Variants in GALNT18 observed in about 807,000 individuals in gnomAD.
GALNT18 encodes GalNAc-transferase 18.
Under a neutral mutation model 69.5 loss-of-function variants are expected in GALNT18, and 44 were observed. The ratio of observed to expected loss-of-function variants is 0.63; its 90% confidence interval spans 0.50 to 0.81. The LOEUF is 0.81. GALNT18 is among the 40% of genes least tolerant of loss of function. GALNT18 has a pLI of 0.00. For missense variants in GALNT18, 715 were observed against 810.0 expected (o/e 0.88, Z 1.42); for synonymous variants, 364 against 318.2 (o/e 1.14, Z -1.53).
At chr11:11,399,372 A>C (rs16909603) in intron 3 of GALNT18, among the ~76,000 whole-genome samples, 1 of 152,082 alleles carries the variant, frequency 6.6e-6, no homozygotes, top group Non-Finnish European at 1.5e-5. Context: ...CATCTTTAAG[A>C]GGTTCACCTT....
At chr11:11,560,955 C>T (rs1858490654) in intron 1 of GALNT18, among the ~76,000 whole-genome samples, 1 of 152,174 alleles carries the variant, frequency 6.6e-6, no homozygotes, top group Admixed American at 6.5e-5. Context: ...CCTGCAGAGG[C>T]CCCTTGGTTC....
At position 11,583,895 on chromosome 11, in the gene GALNT18, G is replaced by A. The variant is rs537046664; in HGVS notation, c.235+37464C>T. On this transcript the variant is annotated intron_variant, in intron 1 of 10. Transcript: ENST00000227756. This position sits in a 1 kb window ranked among gnomAD's most constrained non-coding sequence, Gnocchi z 4.7. The stretch of plus-strand genomic sequence containing the variant: ...GCAGATGATCTCAATATCATTATAA[G>A]GCCCAAATAAATGAATTATGGTCTT... Among the ~76,000 whole-genome samples, 1 of 152,046 alleles carries A rather than the reference G, an allele frequency of 6.6e-6. No homozygotes were observed. Among genetic ancestry groups the A allele is most frequent in the Non-Finnish European group, 1.5e-5 (1 of 68,012 alleles).
intron 10 of GALNT18, among the ~76,000 whole-genome samples, chr11:11,291,231 A>AAC (rs944093791): frequency 1.4e-4 from 22 of 152,170 alleles, no homozygotes; most frequent in Non-Finnish European, 5.9e-5. Flanking sequence ...TGGGAGGATG[A>AAC]ACACCCTGTG....
chr11:11,566,841 G>A (rs191117372), intron 1 of GALNT18, among the ~76,000 whole-genome samples: 2 of 152,342 alleles, frequency 1.3e-5, no homozygotes, highest in Admixed American at 6.5e-5. Flanking sequence ...CCCCTCTGAA[G>A]TGACCTAGCA....
chr11:11,432,568 T>C lies in GALNT18; in HGVS notation c.595+53A>G. On this transcript the variant is annotated intron_variant, in intron 3 of 10. Coordinates refer to ENST00000227756, the MANE Select transcript of GALNT18 (RefSeq NM_198516.3). The surrounding 1 kb of genome is among the most constrained non-coding windows in gnomAD (Gnocchi z 5.8). ...TGAACCACGACGCTGAACCATCAGC[T>C]TAGATGTCAGCCAGGAAGTAGGGCC... 6.5e-7 allele frequency: 1 copy of C among 1,543,136 alleles called. No homozygotes were observed. Among genetic ancestry groups the C allele is most frequent in the Non-Finnish European group, 8.8e-7 (1 of 1,134,904 alleles).
intron 1 of GALNT18, among the ~76,000 whole-genome samples, chr11:11,566,026 T>C (rs1858642388): frequency 6.6e-6 from 1 of 152,160 alleles, no homozygotes; most frequent in Non-Finnish European, 1.5e-5. Flanking sequence ...GAGATATGGA[T>C]GGAGCATGCA....
rs1849730555 is a variant in GALNT18, at chr11:11,315,084, A to C, written c.1512+12002T>G. 6.6e-6 allele frequency among the ~76,000 whole-genome samples: 1 copy of C among 152,128 alleles called. No homozygotes were observed. Among genetic ancestry groups the C allele is most frequent in the African/African-American group, 2.4e-5 (1 of 41,410 alleles). ...TGTGTATGTGTGTATATATGTGTAC[A>C]TACAGAAGTAAATGCATAAACAGAT... On this transcript the variant is annotated intron_variant, in intron 9 of 10. Coordinates refer to ENST00000227756, the MANE Select transcript of GALNT18 (RefSeq NM_198516.3). This position sits in a 1 kb window ranked among gnomAD's most constrained non-coding sequence, Gnocchi z 5.6.
rs1402311656 is a variant in GALNT18, at chr11:11,454,176, C to CA, written c.236-5241dup. Among the ~76,000 whole-genome samples, 2 of 152,180 alleles carry CA rather than the reference C, an allele frequency of 1.3e-5. No homozygotes were observed. Among genetic ancestry groups the CA allele is most frequent in the Non-Finnish European group, 2.9e-5 (2 of 68,028 alleles). ...AGTCCTGTGCCAGCAGGTAGGAGCA[C>CA]AAAGCCAGTGAAGGCATGGCCGGGG... On this transcript the variant is annotated intron_variant, in intron 1 of 10. Coordinates refer to ENST00000227756, the MANE Select transcript of GALNT18 (RefSeq NM_198516.3). This position sits in a 1 kb window ranked among gnomAD's most constrained non-coding sequence, Gnocchi z 4.2.
chr11:11,507,097 T>C (rs1480305662), intron 1 of GALNT18, among the ~76,000 whole-genome samples: 1 of 152,220 alleles, frequency 6.6e-6, no homozygotes, highest in East Asian at 1.9e-4. Flanking sequence ...TGTGAGTTGG[T>C]TGGCTTCCTT....
At chr11:11,399,939 T>C (rs978265020) in intron 3 of GALNT18, among the ~76,000 whole-genome samples, 1 of 152,258 alleles carries the variant, frequency 6.6e-6, no homozygotes, top group Admixed American at 6.5e-5. Context: ...GTGGTGGTTA[T>C]ATACACAGGT....
At chr11:11,336,150 G>C (rs1365510207) in intron 7 of GALNT18, among the ~76,000 whole-genome samples, 2 of 152,200 alleles carry the variant, frequency 1.3e-5, no homozygotes, top group Admixed American at 6.5e-5. Flanking sequence ...AAGAGAAGCA[G>C]TCTAGAGCTC....
At chr11:11,284,811 T>TA (rs1489293982) in intron 10 of GALNT18, among the ~76,000 whole-genome samples, 5 of 129,196 alleles carry the variant, frequency 3.9e-5, no homozygotes, top group Non-Finnish European at 8.2e-5. Context: ...TACAGCTAGT[T>TA]AAAGAAACCC....
intron 1 of GALNT18, among the ~76,000 whole-genome samples, chr11:11,474,154 G>C (rs1231416626): frequency 6.6e-6 from 1 of 152,214 alleles, no homozygotes; most frequent in East Asian, 1.9e-4. Flanking sequence ...ATCACAGATT[G>C]TGAAATAGTA....
At chr11:11,288,498 A>G (rs1324315223) in intron 10 of GALNT18, among the ~76,000 whole-genome samples, 3 of 152,160 alleles carry the variant, frequency 2.0e-5, no homozygotes, top group East Asian at 3.9e-4. Context: ...TGTTCTCATC[A>G]TTCGGTTCCA....
chr11:11,512,190 G>T (rs1259071913), intron 1 of GALNT18, among the ~76,000 whole-genome samples: 1 of 152,108 alleles, frequency 6.6e-6, no homozygotes, highest in African/African-American at 2.4e-5. Flanking sequence ...ATGGGTTCAG[G>T]GCTGAGCCGT....
chr11:11,443,554 C>T (rs781596012), intron 2 of GALNT18, among the ~76,000 whole-genome samples: 4 of 151,978 alleles, frequency 2.6e-5, no homozygotes, highest in African/African-American at 7.3e-5. Context: ...GGGTGGACAC[C>T]GAGAGGCAGG....
intron 3 of GALNT18, among the ~76,000 whole-genome samples, chr11:11,398,137 G>A (rs182306751): frequency 6.6e-6 from 1 of 152,218 alleles, no homozygotes; most frequent in Non-Finnish European, 1.5e-5. Context: ...AGAAAACTGG[G>A]ATGTTAAGCA....
intron 9 of GALNT18, among the ~76,000 whole-genome samples, chr11:11,310,491 T>C (rs1849652591): frequency 6.6e-6 from 1 of 152,206 alleles, no homozygotes. Context: ...CGTAGCCCAG[T>C]TGTACAAGAA....
chr11:11,548,029 C>T (rs1214173702), intron 1 of GALNT18, among the ~76,000 whole-genome samples: 1 of 152,208 alleles, frequency 6.6e-6, no homozygotes, highest in African/African-American at 2.4e-5. Flanking sequence ...GAATTCTAAA[C>T]TCCTTTGGTG....
Sources: gnomAD v4.1 joint callset for allele counts (sites outside exome capture counted in the v4.1 genomes callset) on GRCh38, gnomAD v4.1.1 for gene constraint, Gnocchi (gnomAD v3.1) non-coding constraint, MANE v1.5 for transcripts, NCBI Gene and HGNC (gene_info 2026-07-23, HGNC 2026-07-21) for gene names.